TAFA2: variants seen among roughly 807,000 people sequenced by gnomAD.
TAFA2 encodes chemokine-like protein TAFA-2.
In TAFA2, 7 loss-of-function variants were observed where a neutral mutation model predicts 18.8. The observed-to-expected ratio is 0.37, with a 90% CI of 0.21 to 0.70. TAFA2 has a LOEUF of 0.70. Ranked by LOEUF, TAFA2 falls within the 30% of genes least tolerant of loss-of-function variation. The probability of loss-of-function intolerance (pLI) is 0.53; values close to 1 mark genes in which losing one functional copy is unlikely to be tolerated. For synonymous variants in TAFA2, 60 were observed against 54.2 expected, an observed-to-expected ratio of 1.11 and a Z score of -0.47; for missense variants, 122 against 158.1, an observed-to-expected ratio of 0.77 and a Z score of 1.23.
At chr12:62,207,966 T>A (rs551207468) in intron 1 of TAFA2, among the ~76,000 whole-genome samples, 137 of 152,328 alleles carry the variant, frequency 9.0e-4, no homozygotes, top group Middle Eastern at 3.4e-3. Flanking sequence ...TATCTAGACA[T>A]CCTCATTCCT....
chr12:61,788,916 C>G (rs1870856089), intron 2 of TAFA2, among the ~76,000 whole-genome samples: 1 of 151,688 alleles, frequency 6.6e-6, no homozygotes, highest in Non-Finnish European at 1.5e-5. Flanking sequence ...TTTCTATTAA[C>G]AAAAGCCATA....
At chr12:61,983,218 T>A (rs548267055) in intron 1 of TAFA2, among the ~76,000 whole-genome samples, 1 of 152,270 alleles carries the variant, frequency 6.6e-6, no homozygotes, top group South Asian at 2.1e-4. Context: ...ATAAATCCAC[T>A]CTCTCATTTT....
intron 2 of TAFA2, among the ~76,000 whole-genome samples, chr12:61,768,973 T>C (rs1869908911): frequency 6.6e-6 from 1 of 151,900 alleles, no homozygotes; most frequent in East Asian, 2.0e-4. Context: ...GCTCACTGGC[T>C]GCCTTGAAAT....
intron 2 of TAFA2, among the ~76,000 whole-genome samples, chr12:61,757,519 T>C (rs1375335659): frequency 6.6e-6 from 1 of 151,884 alleles, no homozygotes; most frequent in Non-Finnish European, 1.5e-5. Flanking sequence ...TTAGGGGAGA[T>C]ATTTGGGCTA....
At chr12:62,035,649 C>T (rs994072386) in intron 1 of TAFA2, among the ~76,000 whole-genome samples, 3 of 150,028 alleles carry the variant, frequency 2.0e-5, no homozygotes, top group African/African-American at 7.4e-5. Context: ...AAAGATAAGG[C>T]TGGTGAAGCA....
chr12:61,807,813 G>C (rs956204212), intron 2 of TAFA2, among the ~76,000 whole-genome samples: 7 of 151,410 alleles, frequency 4.6e-5, no homozygotes, highest in Admixed American at 1.3e-4. Flanking sequence ...CATGGGGCCT[G>C]TAGCCCCTTT....
chr12:61,756,242 CAT>C (rs1869262018), intron 2 of TAFA2, among the ~76,000 whole-genome samples: 1 of 152,052 alleles, frequency 6.6e-6, no homozygotes, highest in Non-Finnish European at 1.5e-5. Context: ...ACAGCTTTGA[CAT>C]ATAATCCTCA....
chr12:62,203,601 C>CT (rs1414615603), intron 1 of TAFA2, among the ~76,000 whole-genome samples: 2 of 152,064 alleles, frequency 1.3e-5, no homozygotes, highest in East Asian at 1.9e-4. Context: ...ATGCCCTTGT[C>CT]TTTTTTTAAT....
At chr12:61,795,515 G>A (rs1330423856) in intron 2 of TAFA2, among the ~76,000 whole-genome samples, 3 of 151,994 alleles carry the variant, frequency 2.0e-5, no homozygotes, top group African/African-American at 2.4e-5. Flanking sequence ...TCACTCATAG[G>A]TGGGAACTGA....
intron 1 of TAFA2, among the ~76,000 whole-genome samples, chr12:62,257,460 G>A (rs2062946349): frequency 3.9e-5 from 6 of 151,968 alleles, no homozygotes; most frequent in Admixed American, 3.9e-4. Context: ...CTTAATTGTT[G>A]AGTAAAAGAA....
upstream of TAFA2, among the ~76,000 whole-genome samples, chr12:62,197,533 G>C (rs2062654040): frequency 6.6e-6 from 1 of 152,152 alleles, no homozygotes; most frequent in Admixed American, 6.5e-5. Context: ...GGGTATATCT[G>C]TGAAACTACC....
At chr12:61,832,579 T>C (rs568893537) in intron 2 of TAFA2, among the ~76,000 whole-genome samples, 1 of 152,248 alleles carries the variant, frequency 6.6e-6, no homozygotes, top group East Asian at 1.9e-4. Flanking sequence ...AATAAAATGG[T>C]TGTGCTTTTG....
At chr12:61,804,870 T>A (rs1166143163) in intron 2 of TAFA2, among the ~76,000 whole-genome samples, 1 of 152,000 alleles carries the variant, frequency 6.6e-6, no homozygotes, top group African/African-American at 2.4e-5. Flanking sequence ...ATCAAGAGAA[T>A]CATGACCCAA....
intron 3 of TAFA2, among the ~76,000 whole-genome samples, chr12:61,753,950 T>G (rs1360740593): frequency 2.0e-5 from 3 of 152,108 alleles, no homozygotes; most frequent in Non-Finnish European, 4.4e-5. Flanking sequence ...ATTTTTTATT[T>G]TATTGTAATG....
chr12:61,835,051 C>T (rs1872862885), intron 2 of TAFA2, among the ~76,000 whole-genome samples: 2 of 151,826 alleles, frequency 1.3e-5, no homozygotes, highest in Admixed American at 1.3e-4. Flanking sequence ...GCTTTCTGCT[C>T]TTCTAACTAA....
intron 1 of TAFA2, among the ~76,000 whole-genome samples, chr12:62,219,782 C>G (rs907844527): frequency 3.0e-4 from 45 of 152,104 alleles, no homozygotes; most frequent in African/African-American, 1.0e-3. Context: ...TGCAAGTGTT[C>G]CTCTTTCAAT....
At chr12:62,156,558 A>C (rs374390351) in intron 1 of TAFA2, among the ~76,000 whole-genome samples, 2 of 152,184 alleles carry the variant, frequency 1.3e-5, no homozygotes, top group East Asian at 3.8e-4. Context: ...ATGCCCATTA[A>C]TCAACAAGAG....
intron 2 of TAFA2, among the ~76,000 whole-genome samples, chr12:61,792,741 A>G (rs1161108827): frequency 6.6e-6 from 1 of 151,528 alleles, no homozygotes; most frequent in East Asian, 1.9e-4. Context: ...ACAGAGAATA[A>G]GTCTTAAGCA....
At chr12:62,174,941 G>A (rs866913872) in intron 1 of TAFA2, among the ~76,000 whole-genome samples, 59 of 152,068 alleles carry the variant, frequency 3.9e-4, no homozygotes, top group African/African-American at 1.1e-3. Flanking sequence ...TATAAACTCC[G>A]AGAGTAATGA....
Sources: gnomAD v4.1 joint callset for allele counts (sites outside exome capture counted in the v4.1 genomes callset) on GRCh38, gnomAD v4.1.1 for gene constraint, MANE v1.5 for transcripts, NCBI Gene and HGNC (gene_info 2026-07-23, HGNC 2026-07-21) for gene names.